The following OPA3 variants were observed in gnomAD, a reference collection of about 807,000 sequenced individuals.
OPA3 encodes optic atrophy 3 protein.
Under a neutral mutation model 4.0 loss-of-function variants are expected in OPA3, and 6 were observed. The observed-to-expected ratio is 1.51, with a 90% CI of 0.83 to 2.99. The LOEUF is 2.99. Ranked by LOEUF, OPA3 falls within the 30% of genes most tolerant of loss-of-function variation. The pLI is 0.00. For missense variants in OPA3, 235 were observed against 256.2 expected, an observed-to-expected ratio of 0.92 and a Z score of 0.56; for synonymous variants, 105 against 117.1, an observed-to-expected ratio of 0.90 and a Z score of 0.67.
At chr19:45,528,945 G>A in exon 2 of OPA3, 1 of 1,316,502 alleles carries the variant, frequency 7.6e-7, no homozygotes, top group Non-Finnish European at 1.0e-6. Flanking sequence ...CCGAAGGACT[G>A]GGTGGTGTCA....
At chr19:45,558,489 C>T (rs1002095793) in intron 1 of OPA3, among the ~76,000 whole-genome samples, 6 of 152,110 alleles carry the variant, frequency 3.9e-5, no homozygotes, top group Admixed American at 2.0e-4. Flanking sequence ...CTACTGCGGT[C>T]GCCAGCCTGT....
At chr19:45,535,369 C>CTT (rs57680613) in intron 1 of OPA3, among the ~76,000 whole-genome samples, 16 of 118,856 alleles carry the variant, frequency 1.3e-4, no homozygotes, top group African/African-American at 4.1e-4. Context: ...TAAATTATTA[C>CTT]TTTTTTTTTT....
chr19:45,552,271 A>G lies in OPA3; in HGVS notation c.*1243T>C. On this transcript the variant is annotated 3_prime_UTR_variant, in exon 2 of 2. Transcript: ENST00000263275. Reference sequence around the variant, plus strand: ...TACCCAGGCTGGCATGCAATTGCGCAATCTCGGCTCACTGCAACCTCTGCC... The same window carrying G: ...TACCCAGGCTGGCATGCAATTGCGCGATCTCGGCTCACTGCAACCTCTGCC... The G allele has an allele frequency of 2.2e-6, 2 of 926,476 alleles. No homozygotes were observed. Among genetic ancestry groups the G allele is most frequent in the Non-Finnish European group, 2.6e-6 (2 of 776,412 alleles). 57.4% of individuals were successfully genotyped at this position (926,476 alleles called of 1,614,324 possible).
chr19:45,582,285 G>A (rs965499115), intron 1 of OPA3, among the ~76,000 whole-genome samples: 1 of 151,426 alleles, frequency 6.6e-6, no homozygotes, highest in African/African-American at 2.4e-5. Context: ...CCAGCCTCCC[G>A]AGTAGCTGGG....
intron 1 of OPA3, among the ~76,000 whole-genome samples, chr19:45,540,728 G>A (rs980744750): frequency 6.6e-6 from 1 of 151,672 alleles, no homozygotes; most frequent in East Asian, 2.0e-4. Context: ...ACTTGAACCT[G>A]GGAGGCGGAG....
intron 1 of OPA3, among the ~76,000 whole-genome samples, chr19:45,570,839 G>A (rs1199669046): frequency 2.0e-5 from 3 of 150,642 alleles, no homozygotes; most frequent in Non-Finnish European, 4.4e-5. Context: ...CTCCAGCCTG[G>A]GCGACAGAGT....
intron 1 of OPA3, among the ~76,000 whole-genome samples, chr19:45,575,663 G>C (rs535251317): frequency 2.3e-4 from 35 of 152,148 alleles, no homozygotes; most frequent in Non-Finnish European, 3.5e-4. Context: ...CTGGAGTGCA[G>C]GGGTGCGGTC....
chr19:45,584,668 G>T lies in OPA3; in HGVS notation c.97C>A (p.Arg33=). ...ATATAGGTCTTGAAGAACTCGCTTC[G>T]GCGGGCGGCCTCCTTAATACGGTTG... ...LANRIKEAAR[R]SEFFKTYICL... The change falls in exon 1 of 2, where the codon CGA becomes AGA. Residue 33 remains arginine, a synonymous_variant. Coordinates refer to ENST00000263275, the MANE Select transcript of OPA3 (RefSeq NM_025136.4). 6.2e-7 allele frequency: 1 copy of T among 1,614,188 alleles called. No homozygotes were observed.
intron 1 of OPA3, among the ~76,000 whole-genome samples, chr19:45,566,384 AGAT>A (rs532511360): frequency 4.4e-4 from 66 of 150,614 alleles, no homozygotes; most frequent in South Asian, 4.2e-3. Context: ...TCCTGACCTC[AGAT>A]GATAATACCC....
chr19:45,572,491 G>A (rs1424622911), intron 1 of OPA3, among the ~76,000 whole-genome samples: 124 of 115,142 alleles, frequency 1.1e-3, no homozygotes, highest in Admixed American at 2.5e-3. Context: ...TATATATCGA[G>A]ATATATGAGA....
chr19:45,580,917 C>T (rs1170616227), intron 1 of OPA3, among the ~76,000 whole-genome samples: 1 of 152,084 alleles, frequency 6.6e-6, no homozygotes, highest in Non-Finnish European at 1.5e-5. Context: ...CGCCCAGCTC[C>T]AGAAGCCATT....
At chr19:45,545,181 AAAAAACAAAAAAT>A (rs1969234285), downstream of OPA3, among the ~76,000 whole-genome samples, 5 of 145,952 alleles carry the variant, frequency 3.4e-5, no homozygotes, top group Admixed American at 3.4e-4. Flanking sequence ...AAAAAAAACA[AAAAAACAAAAAAT>A]AGGAAATCAA....
chr19:45,529,416 C>T (rs758125545), exon 2 of OPA3: 2 of 1,614,202 alleles, frequency 1.2e-6, no homozygotes, highest in Admixed American at 3.3e-5. Context: ...CATTGAAACC[C>T]ATGATGCGCA....
chr19:45,582,166 ATT>A (rs142724979), intron 1 of OPA3, among the ~76,000 whole-genome samples: 1 of 142,386 alleles, frequency 7.0e-6, no homozygotes. Context: ...ATTTTATTTT[ATT>A]TTTTTTTTTT....
chr19:45,576,224 AAAAAC>A (rs939742923), intron 1 of OPA3, among the ~76,000 whole-genome samples: 2 of 150,740 alleles, frequency 1.3e-5, no homozygotes, highest in Middle Eastern at 3.5e-3. Context: ...CCCCCTCTCA[AAAAAC>A]AAAACAAAAC....
chr19:45,554,476 G>T (rs1342861445), intron 1 of OPA3, among the ~76,000 whole-genome samples: 2 of 152,150 alleles, frequency 1.3e-5, no homozygotes, highest in Non-Finnish European at 2.9e-5. Context: ...GCTAAGAGCT[G>T]CGAGCTCTTC....
chr19:45,533,250 C>A (rs1969079073), intron 1 of OPA3, among the ~76,000 whole-genome samples: 1 of 150,220 alleles, frequency 6.7e-6, no homozygotes, highest in Admixed American at 6.7e-5. Context: ...GGCTGGAGTG[C>A]AGTGGCGCAT....
intron 1 of OPA3, among the ~76,000 whole-genome samples, chr19:45,572,954 G>A (rs1373025229): frequency 6.6e-6 from 1 of 150,936 alleles, no homozygotes; most frequent in East Asian, 1.9e-4. Context: ...GTTTGCCCTT[G>A]CCAGGTGCTT....
At chr19:45,560,344 A>G (rs1192697116) in intron 1 of OPA3, among the ~76,000 whole-genome samples, 1 of 152,156 alleles carries the variant, frequency 6.6e-6, no homozygotes. Context: ...CTGGACTGTG[A>G]GGCCGATGCA....
Sources: gnomAD v4.1 joint callset for allele counts (sites outside exome capture counted in the v4.1 genomes callset) on GRCh38, gnomAD v4.1.1 for gene constraint, MANE v1.5 for transcripts, NCBI Gene and HGNC (gene_info 2026-07-23, HGNC 2026-07-21) for gene names.